The following TACC1 variants were observed in gnomAD, a reference collection of about 807,000 sequenced individuals.
TACC1 encodes transforming acidic coiled-coil containing protein 1, also known as transforming acidic coiled-coil-containing protein 1.
A neutral mutation model predicts 84.4 loss-of-function variants in TACC1; 48 were observed. The observed-to-expected ratio is 0.57, with a 90% confidence interval of 0.45 to 0.72. The LOEUF is 0.72. Among genes scored for constraint, TACC1 ranks in the 30% least tolerant of loss-of-function variants. The probability of loss-of-function intolerance (pLI) is 0.00; values close to 1 mark genes in which losing one functional copy is unlikely to be tolerated. For synonymous variants in TACC1, 372 were observed against 376.3 expected, an observed-to-expected ratio of 0.99 and a Z score of 0.13; for missense variants, 920 against 973.0, an observed-to-expected ratio of 0.95 and a Z score of 0.72.
chr8:38,836,333 A>G lies in TACC1; in HGVS notation c.1839+46A>G, dbSNP rs375048747. Reference sequence around the variant, plus strand: ...TCTGCTTATCACTCCATTTCTTTGTAAGGCCCATGTACCAGCAGGTAGATT... The same window carrying G: ...TCTGCTTATCACTCCATTTCTTTGTGAGGCCCATGTACCAGCAGGTAGATT... On this transcript the variant is annotated intron_variant, in intron 7 of 12. Transcript: ENST00000317827. 13 of 1,589,672 alleles carry G rather than the reference A, an allele frequency of 8.2e-6. No homozygotes were observed. The African/African-American group carries it at 1.1e-4, about 13-fold the overall frequency.
chr8:38,787,860 C>A, intron 1 of TACC1, 117 bp downstream of exon 1: 1 of 1,021,332 alleles, frequency 9.8e-7, no homozygotes, highest in Non-Finnish European at 1.3e-6. Context: ...GGCCGTGCCG[C>A]GTCCCTGCCC....
At chr8:38,818,134 C>G (rs920273248) in intron 2 of TACC1, among the ~76,000 whole-genome samples, 8 of 151,026 alleles carry the variant, frequency 5.3e-5, no homozygotes, top group Non-Finnish European at 8.8e-5. Flanking sequence ...ACTTGGGAGG[C>G]TGAGGTGGGA....
In TACC1 at chr8:38,788,714, G is replaced by A; in HGVS notation, c.172G>A (p.Glu58Lys). ...TTTCCTCCTTGGCAGCTCGGATTCT[G>A]AAGGTAATTTTGAGACTCCTGAAGC... The part of the protein sequence containing the change: ...TKSLSFSSDS[E>K]GNFETPEAET... The change falls in exon 2 of 13, where the codon GAA becomes AAA. Residue 58 changes from glutamate (E) to lysine (K), a missense_variant. Physicochemically the swap from Glu to Lys is moderately conservative, Grantham distance 56. Coordinates refer to ENST00000317827, the MANE Select transcript of TACC1 (RefSeq NM_006283.3). 6.2e-7 allele frequency: 1 copy of A among 1,613,294 alleles called. No individual in the cohort carries two copies. Among genetic ancestry groups the A allele is most frequent in the Non-Finnish European group, 8.5e-7 (1 of 1,179,670 alleles).
intron 2 of TACC1, among the ~76,000 whole-genome samples, chr8:38,793,659 T>G (rs1819292439): frequency 6.6e-6 from 1 of 152,088 alleles, no homozygotes; most frequent in Admixed American, 6.5e-5. Context: ...CCCAGGCTGA[T>G]CTTGAGCTCC....
At chr8:38,796,887 A>G (rs946137405) in intron 2 of TACC1, among the ~76,000 whole-genome samples, 2 of 152,246 alleles carry the variant, frequency 1.3e-5, no homozygotes, top group African/African-American at 4.8e-5. Flanking sequence ...AAAACTGAAA[A>G]CAACGAACAT....
intron 3 of TACC1, among the ~76,000 whole-genome samples, chr8:38,762,552 C>CT (rs910914782): frequency 3.1e-4 from 46 of 147,466 alleles, no homozygotes; most frequent in East Asian, 9.9e-4. Context: ...CACCTTTTGG[C>CT]TTTTTTTTTT....
At chr8:38,768,197 C>T (rs1021517873) in intron 3 of TACC1, among the ~76,000 whole-genome samples, 9 of 152,162 alleles carry the variant, frequency 5.9e-5, no homozygotes, top group African/African-American at 2.2e-4. Context: ...CCCATTCCTT[C>T]TGCTGGTCGG....
intron 4 of TACC1, 64 bp from the exon 5 acceptor site, chr8:38,827,104 G>C (rs924989212): frequency 2.8e-6 from 4 of 1,427,968 alleles, no homozygotes; most frequent in Non-Finnish European, 3.9e-6. Context: ...CCATTCATGG[G>C]ATGTCACTTT....
chr8:38,732,223 T>A (rs1805096252), intron 1 of TACC1, among the ~76,000 whole-genome samples: 1 of 151,836 alleles, frequency 6.6e-6, no homozygotes, highest in Non-Finnish European at 1.5e-5. Flanking sequence ...GAAAATGGTA[T>A]AAGTGTAATT....
chr8:38,810,104 T>C (rs1587878986), intron 2 of TACC1, among the ~76,000 whole-genome samples: 1 of 152,040 alleles, frequency 6.6e-6, no homozygotes, highest in East Asian at 1.9e-4. Flanking sequence ...CCATCCTCTT[T>C]TTCTTTTTTT....
intron 3 of TACC1, among the ~76,000 whole-genome samples, chr8:38,773,044 T>A (rs1327998000): frequency 6.6e-6 from 1 of 152,148 alleles, no homozygotes. Context: ...TAATAAACAC[T>A]AGGCCCGGCG....
At chr8:38,838,046 G>A (rs371180000) in intron 7 of TACC1, among the ~76,000 whole-genome samples, 1 of 152,256 alleles carries the variant, frequency 6.6e-6, no homozygotes, top group Non-Finnish European at 1.5e-5. Context: ...CCAACTTCCA[G>A]TGGTCTGACT....
At chr8:38,829,271 C>T (rs959391086) in intron 5 of TACC1, among the ~76,000 whole-genome samples, 4 of 152,162 alleles carry the variant, frequency 2.6e-5, no homozygotes, top group African/African-American at 9.7e-5. Flanking sequence ...ATTTATTCCC[C>T]CTGGCCTCCT....
At position 38,838,264 on chromosome 8, in the gene TACC1, C is replaced by T. The variant is rs190606224; in HGVS notation, c.1840-206C>T. Among the ~76,000 whole-genome samples, 74 of 152,350 alleles carry T rather than the reference C, an allele frequency of 4.9e-4. No homozygotes were observed. In the Middle Eastern group the frequency reaches 0.01, roughly 21 times the overall value. Reference sequence around the variant, plus strand: ...TGGGATTTCTGAGAGATGTTCTACTCATCTTTATTCCCGTGTCTGCATCCC... The same window carrying T: ...TGGGATTTCTGAGAGATGTTCTACTTATCTTTATTCCCGTGTCTGCATCCC... On this transcript the variant is annotated intron_variant, in intron 7 of 12. Coordinates refer to ENST00000317827, the MANE Select transcript of TACC1 (RefSeq NM_006283.3).
intron 3 of TACC1, among the ~76,000 whole-genome samples, chr8:38,775,934 TA>T (rs1460565580): frequency 2.6e-5 from 4 of 152,184 alleles, no homozygotes; most frequent in African/African-American, 7.2e-5. Flanking sequence ...ATTGAGCCCA[TA>T]AGAAAACAAT....
chr8:38,783,106 C>CTATA (rs72048692), upstream of TACC1, among the ~76,000 whole-genome samples: 266 of 87,420 alleles, frequency 3.0e-3, 2 homozygotes, highest in Middle Eastern at 6.5e-3. Context: ...ATCTATCTAT[C>CTATA]TATATATATA....
chr8:38,849,607 A>G lies in TACC1; in HGVS notation c.*1584A>G, dbSNP rs1832832981. 6.6e-6 allele frequency: 1 copy of G among 152,288 alleles called. No homozygotes were observed. The highest frequency in any genetic ancestry group is 2.4e-5 in the African/African-American group (1 of 41,466). The allele number at this position is 152,288 out of a possible 1,614,324, so 9.4% of individuals were successfully genotyped here. A position where few individuals can be genotyped will look rare whatever the true frequency, so the allele number is the denominator to read the frequency against. On this transcript the variant is annotated 3_prime_UTR_variant, in exon 13 of 13. Coordinates refer to ENST00000317827, the MANE Select transcript of TACC1 (RefSeq NM_006283.3). ...GATCTTAAAAAATGAATTATTCTTT[A>G]GCAGTGTATTACTCACATGGGTGCA...
intron 1 of TACC1, among the ~76,000 whole-genome samples, chr8:38,737,521 T>C (rs1806197659): frequency 6.6e-6 from 1 of 152,116 alleles, no homozygotes; most frequent in Non-Finnish European, 1.5e-5. Context: ...GTGAGGTAAC[T>C]GGCTTACCTT....
Position 38,731,904 on chromosome 8 carries a change from G to A in TACC1, c.-675+3233G>A, listed in dbSNP as rs145370100. ...AGGCAGACAGATAACTTGAGGCCAG[G>A]AGTTTGAGACCAGCCTGGCCAACAT... is the stretch of plus-strand genomic sequence containing the variant. On this transcript the variant is annotated intron_variant, in intron 1 of 14. Transcript: ENST00000518415. 4.4e-3 allele frequency among the ~76,000 whole-genome samples: 667 copies of A among 152,292 alleles called. 36 individuals are homozygous for A. The East Asian group carries it at 0.11, about 26-fold the overall frequency.
Sources: gnomAD v4.1 joint callset for allele counts (sites outside exome capture counted in the v4.1 genomes callset) on GRCh38, gnomAD v4.1.1 for gene constraint, MANE v1.5 for transcripts, NCBI Gene and HGNC (gene_info 2026-07-23, HGNC 2026-07-21) for gene names.